The following LUZP2 variants were observed in gnomAD, a reference collection of about 807,000 sequenced individuals.
LUZP2 encodes leucine zipper protein 2.
LUZP2 carries 52 observed loss-of-function variants against 51.6 expected under a neutral mutation model. That is an observed-to-expected ratio of 1.01 (90% CI 0.81 to 1.27). The LOEUF (loss-of-function observed/expected upper bound fraction) is 1.27, where lower values mean the gene tolerates loss of function less well. Among genes scored for constraint, LUZP2 ranks in the 50% most tolerant of loss-of-function variants. The pLI is 0.00. For synonymous variants in LUZP2, 154 were observed against 137.3 expected, an observed-to-expected ratio of 1.12 and a Z score of -0.85; for missense variants, 436 against 395.4, an observed-to-expected ratio of 1.10 and a Z score of -0.87.
intron 1 of LUZP2, among the ~76,000 whole-genome samples, chr11:24,573,422 G>A (rs759611779): frequency 1.3e-5 from 2 of 151,762 alleles, no homozygotes; most frequent in Non-Finnish European, 2.9e-5. Flanking sequence ...AATAATCAGG[G>A]CTTCCCAAAG....
intron 4 of LUZP2, among the ~76,000 whole-genome samples, chr11:24,747,482 C>T (rs906775955): frequency 1.3e-5 from 2 of 152,072 alleles, no homozygotes; most frequent in Non-Finnish European, 2.9e-5. Context: ...TGTGAGGGTT[C>T]TTAGCTCTGG....
At position 25,072,078 on chromosome 11, in the gene LUZP2, C is replaced by T. The variant is rs186708644; in HGVS notation, c.859-5251C>T. Among the ~76,000 whole-genome samples, 5 of 151,982 alleles carry T rather than the reference C, an allele frequency of 3.3e-5. No homozygotes were observed. In the East Asian group the frequency reaches 9.7e-4, roughly 30 times the overall value. Reference sequence around the variant, plus strand: ...TTATTTTCAGTTGATTAAATTAAAGCCCAAGGATATTGCAGAACTTCCCCT... The same window carrying T: ...TTATTTTCAGTTGATTAAATTAAAGTCCAAGGATATTGCAGAACTTCCCCT... On this transcript the variant is annotated intron_variant, in intron 10 of 11. Transcript: ENST00000336930.
intron 9 of LUZP2, among the ~76,000 whole-genome samples, chr11:25,014,398 C>G (rs1411757484): frequency 6.6e-6 from 1 of 152,212 alleles, no homozygotes; most frequent in Non-Finnish European, 1.5e-5. Context: ...TCTCCACATC[C>G]TCTCCAGCAC....
chr11:24,943,187 C>A (rs1000569380), intron 7 of LUZP2, among the ~76,000 whole-genome samples: 5 of 152,104 alleles, frequency 3.3e-5, no homozygotes, highest in Non-Finnish European at 2.9e-5. Flanking sequence ...GAAATTAATT[C>A]TGGGTTTGCC....
intron 9 of LUZP2, among the ~76,000 whole-genome samples, chr11:24,984,797 C>G (rs1856145636): frequency 6.6e-6 from 1 of 151,134 alleles, no homozygotes; most frequent in Non-Finnish European, 1.5e-5. Context: ...ATGCAGGTTT[C>G]TCTCTGAGTG....
intron 1 of LUZP2, among the ~76,000 whole-genome samples, chr11:24,678,077 G>A (rs1393720093): frequency 3.4e-5 from 2 of 59,678 alleles, no homozygotes; most frequent in African/African-American, 1.6e-4. Context: ...AAGGAGAAAG[G>A]GGGGGGGGGG....
intron 5 of LUZP2, among the ~76,000 whole-genome samples, chr11:24,770,168 T>C (rs1264291591): frequency 6.6e-6 from 1 of 152,232 alleles, no homozygotes; most frequent in African/African-American, 2.4e-5. Flanking sequence ...TGTAATTTTC[T>C]TGAATTTTAA....
At chr11:24,623,691 CA>C (rs1854581189) in intron 1 of LUZP2, among the ~76,000 whole-genome samples, 1 of 151,920 alleles carries the variant, frequency 6.6e-6, no homozygotes, top group Non-Finnish European at 1.5e-5. Flanking sequence ...ACTAAAAATA[CA>C]AAAAATTAGC....
At chr11:24,599,038 G>T in intron 1 of LUZP2, among the ~76,000 whole-genome samples, 1 of 152,110 alleles carries the variant, frequency 6.6e-6, no homozygotes, top group Admixed American at 6.6e-5. Context: ...GTAGATAACA[G>T]AGGGCAAAAT....
chr11:24,577,534 G>A (rs911515406), intron 1 of LUZP2, among the ~76,000 whole-genome samples: 1 of 151,904 alleles, frequency 6.6e-6, no homozygotes, highest in Non-Finnish European at 1.5e-5. Flanking sequence ...ACAGGATTAA[G>A]GCTATCTTTG....
chr11:24,666,656 C>T (rs1317478497), intron 1 of LUZP2, among the ~76,000 whole-genome samples: 1 of 152,090 alleles, frequency 6.6e-6, no homozygotes, highest in Non-Finnish European at 1.5e-5. Context: ...TCTTTTTTCT[C>T]ACCTGGAAGA....
At chr11:24,629,474 A>T (rs1032355718) in intron 1 of LUZP2, among the ~76,000 whole-genome samples, 1 of 147,990 alleles carries the variant, frequency 6.8e-6, no homozygotes, top group African/African-American at 2.5e-5. Context: ...ATTATACATT[A>T]TATATATATT....
rs144143994 is a variant in LUZP2, at chr11:24,725,439, T to C, written c.63-3730T>C. ...ATTTGTATATATGTTTATATGTAGA[T>C]ACAAAAATCAATTGGGTAGTTTAGT... On this transcript the variant is annotated intron_variant, in intron 1 of 11. Coordinates refer to ENST00000336930, the MANE Select transcript of LUZP2 (RefSeq NM_001009909.4). Among the ~76,000 whole-genome samples, 428 of 152,208 alleles carry C rather than the reference T, an allele frequency of 2.8e-3. 3 individuals carry two copies. The highest frequency in any genetic ancestry group is 9.7e-3 in the African/African-American group (405 of 41,554).
chr11:24,792,203 C>A (rs1035761594), intron 5 of LUZP2, among the ~76,000 whole-genome samples: 15 of 151,718 alleles, frequency 9.9e-5, no homozygotes, highest in Non-Finnish European at 2.2e-4. Context: ...TGGAGGCAGG[C>A]GGGCCATGAG....
chr11:24,911,238 G>A (rs190000421), intron 6 of LUZP2, among the ~76,000 whole-genome samples: 228 of 152,078 alleles, frequency 1.5e-3, no homozygotes, highest in Non-Finnish European at 2.7e-3. Flanking sequence ...ATGAGATGTT[G>A]GACTTGGACT....
At chr11:24,603,808 C>T (rs1399295574) in intron 1 of LUZP2, among the ~76,000 whole-genome samples, 2 of 151,612 alleles carry the variant, frequency 1.3e-5, no homozygotes, top group African/African-American at 2.4e-5. Context: ...TTGTATAAAA[C>T]CTTCTTGTGA....
intron 1 of LUZP2, among the ~76,000 whole-genome samples, chr11:24,613,871 G>A (rs1044471783): frequency 3.9e-5 from 6 of 152,024 alleles, no homozygotes; most frequent in East Asian, 1.9e-4. Context: ...CTGCATATGC[G>A]AAATATCTGT....
intron 7 of LUZP2, among the ~76,000 whole-genome samples, chr11:24,959,054 G>C (rs1048487630): frequency 2.0e-5 from 3 of 152,044 alleles, no homozygotes; most frequent in Non-Finnish European, 2.9e-5. Context: ...TGTCAAAGAT[G>C]AGATAGTTAT....
intron 9 of LUZP2, among the ~76,000 whole-genome samples, chr11:25,046,402 A>G (rs578061891): frequency 6.6e-6 from 1 of 152,230 alleles, no homozygotes; most frequent in South Asian, 2.1e-4. Flanking sequence ...CATATTGGGA[A>G]ATACAATTTA....
Sources: allele counts gnomAD v4.1 joint callset (sites outside exome capture counted in the v4.1 genomes callset), GRCh38; gene constraint gnomAD v4.1.1; transcripts MANE v1.5; gene names NCBI Gene and HGNC (gene_info 2026-07-23, HGNC 2026-07-21).